The following GATAD2B variants were observed in gnomAD, a reference collection of about 807,000 sequenced individuals.
GATAD2B encodes GATA zinc finger domain containing 2B, also known as transcriptional repressor p66-beta.
GATAD2B carries 8 observed loss-of-function variants against 64.3 expected under a neutral mutation model. That is an observed-to-expected ratio of 0.12 (90% CI 0.07 to 0.22). The LOEUF (loss-of-function observed/expected upper bound fraction) is 0.22, where lower values mean the gene tolerates loss of function less well. Ranked by LOEUF, GATAD2B falls within the 10% of genes least tolerant of loss-of-function variation. The pLI is 1.00. For missense variants in GATAD2B, 453 were observed against 752.0 expected (o/e 0.60, Z 4.65); for synonymous variants, 281 against 271.3 (o/e 1.04, Z -0.35).
At chr1:153,910,465 C>T (rs542593860) in intron 1 of GATAD2B, among the ~76,000 whole-genome samples, 97 of 152,224 alleles carry the variant, frequency 6.4e-4, no homozygotes, top group African/African-American at 2.2e-3. Flanking sequence ...TTGGGCTGGG[C>T]GCAGTGGCTC....
intron 1 of GATAD2B, among the ~76,000 whole-genome samples, chr1:153,915,377 T>A (rs1163491008): frequency 6.6e-6 from 1 of 151,780 alleles, no homozygotes; most frequent in African/African-American, 2.4e-5. Flanking sequence ...GAGCCAAGAC[T>A]GCACCATTGC....
At chr1:153,857,026 T>G (rs991847255) in intron 1 of GATAD2B, among the ~76,000 whole-genome samples, 3 of 152,022 alleles carry the variant, frequency 2.0e-5, no homozygotes, top group Non-Finnish European at 2.9e-5. Context: ...GGAAAAAACA[T>G]ATCAGATAAG....
In GATAD2B at chr1:153,819,741, C is replaced by T; in HGVS notation, c.336-6G>A. On this transcript the variant is annotated splice_polypyrimidine_tract_variant and splice_region_variant and intron_variant, in intron 2 of 10. Transcript: ENST00000368655. Reference sequence around the variant, plus strand: ...GCCTTCCTCGCTCTGGCTCACTAGACAAGAAAGGGAAAAAATAAGCTATTT... The same window carrying T: ...GCCTTCCTCGCTCTGGCTCACTAGATAAGAAAGGGAAAAAATAAGCTATTT... The T allele has an allele frequency of 6.3e-7, 1 of 1,575,334 alleles. No individual in the cohort carries two copies. The highest frequency in any genetic ancestry group is 8.6e-7 in the Non-Finnish European group (1 of 1,166,582).
At position 153,922,928 on chromosome 1, in the gene GATAD2B, C is replaced by T. The variant is rs1678511178; in HGVS notation, c.-197G>A. On this transcript the variant is annotated 5_prime_UTR_variant, in exon 1 of 11. Transcript: ENST00000368655. ...GCGGTACAGACGGGGGCAGCGGCGG[C>T]GGCGACGGCTGCACCGGCGGCGGCG... 1.9e-5 allele frequency: 3 copies of T among 156,232 alleles called. No individual in the cohort carries two copies. The highest frequency in any genetic ancestry group is 1.7e-4 in the South Asian group (1 of 5,882). 9.7% of individuals were successfully genotyped at this position (156,232 alleles called of 1,614,324 possible).
chr1:153,896,906 A>C (rs2101955842), intron 1 of GATAD2B, among the ~76,000 whole-genome samples: 1 of 152,340 alleles, frequency 6.6e-6, no homozygotes, highest in South Asian at 2.1e-4. Context: ...TTTATATCCA[A>C]GGCAACATTA....
chr1:153,819,507 C>T, intron 3 of GATAD2B, 99 bp downstream of exon 3: 9 of 869,448 alleles, frequency 1.0e-5, no homozygotes, highest in Admixed American at 2.7e-5. Flanking sequence ...TATTTATATC[C>T]AAAGAGTAAA....
In GATAD2B at chr1:153,857,154, ATAT is replaced by A. The variant is rs745677936; in HGVS notation, c.-1-28809_-1-28807del. On this transcript the variant is annotated intron_variant, in intron 1 of 10. Transcript: ENST00000368655. ...TGCATATGCATATATATATATATAT[ATAT>A]AAATTGGCCGGGCGCAGTGGCTCAC... Among the ~76,000 whole-genome samples the A allele has an allele frequency of 9.4e-5, 14 of 149,174 alleles. No individual in the cohort carries two copies. The South Asian group carries it at 1.0e-3, about 11-fold the overall frequency.
chr1:153,846,890 C>A (rs1324322079), intron 1 of GATAD2B, among the ~76,000 whole-genome samples: 2 of 151,806 alleles, frequency 1.3e-5, no homozygotes, highest in East Asian at 3.9e-4. Flanking sequence ...CTATTAAATT[C>A]TTATTTTTTA....
intron 1 of GATAD2B, chr1:153,852,230 T>C: frequency 8.4e-7 from 1 of 1,191,022 alleles, no homozygotes; most frequent in Non-Finnish European, 1.2e-6. Flanking sequence ...AGGGGCATGT[T>C]GTTAACAAGA....
chr1:153,821,583 T>G (rs1674685301), intron 2 of GATAD2B, among the ~76,000 whole-genome samples: 1 of 151,966 alleles, frequency 6.6e-6, no homozygotes, highest in South Asian at 2.1e-4. Context: ...ATTCTTTTTT[T>G]TGAGATGGAT....
intron 2 of GATAD2B, among the ~76,000 whole-genome samples, chr1:153,824,708 C>G (rs1674808863): frequency 6.7e-6 from 1 of 149,384 alleles, no homozygotes; most frequent in Non-Finnish European, 1.5e-5. Context: ...AATTCCAATA[C>G]CATTAATAAG....
rs374556609 is a variant in GATAD2B at position 153,913,619 on chromosome 1, TA to T, written c.-2+9113del. 8.2e-4 allele frequency among the ~76,000 whole-genome samples: 125 copies of T among 152,254 alleles called. 3 individuals carry two copies. In the East Asian group the frequency reaches 0.023, roughly 28 times the overall value. ...GCAGCCCTCATACCACTGATGTTTC[TA>T]AAAAATATCTGGCCTAAGCTGGGTG... On this transcript the variant is annotated intron_variant, in intron 1 of 10. Transcript: ENST00000368655.
intron 1 of GATAD2B, among the ~76,000 whole-genome samples, chr1:153,861,809 T>TATATATATATATATATATACACAC (rs1294838675): frequency 7.4e-5 from 9 of 122,134 alleles, no homozygotes; most frequent in African/African-American, 2.7e-4. Context: ...TATATATATA[T>TATATATATATATATATATACACAC]ACACATATGT....
chr1:153,882,276 G>A (rs1160317153), intron 1 of GATAD2B, among the ~76,000 whole-genome samples: 1 of 151,940 alleles, frequency 6.6e-6, no homozygotes, highest in East Asian at 1.9e-4. Flanking sequence ...TCCAAGATAG[G>A]AAATCACAGC....
rs1310850430 is a variant in GATAD2B, at chr1:153,813,518, T to C, written c.1217-66A>G. On this transcript the variant is annotated intron_variant, in intron 7 of 10. Transcript: ENST00000368655. The stretch of plus-strand genomic sequence containing the variant: ...ATCTCCTCTGTTTCTCTTAATCAAA[T>C]AGATCTTTTCCAGGAGTTTATTCTG... 1.1e-4 allele frequency: 118 copies of C among 1,082,730 alleles called. No homozygotes were observed. In the East Asian group the frequency reaches 2.7e-3, roughly 25 times the overall value. The allele number at this position is 1,082,730 out of a possible 1,614,324, so 67.1% of individuals were successfully genotyped here.
At position 153,805,946 on chromosome 1, in the gene GATAD2B, G is replaced by A. The variant is rs1476514005; in HGVS notation, c.*4231C>T. ...GCCTAAGGCTGTGCAGATGGATGTG[G>A]CTCTCACTAGGTGAAATTTCCTCAG... On this transcript the variant is annotated 3_prime_UTR_variant, in exon 11 of 11. Transcript: ENST00000368655. 2 of 152,240 alleles carry A rather than the reference G, an allele frequency of 1.3e-5. No individual in the cohort carries two copies. The highest frequency in any genetic ancestry group is 3.9e-4 in the East Asian group (2 of 5,188). 9.4% of individuals were successfully genotyped at this position (152,240 alleles called of 1,614,324 possible).
Position 153,818,867 on chromosome 1 carries a change from C to T in GATAD2B, c.521G>A (p.Arg174Gln), listed in dbSNP as rs1054223377. The T allele has an allele frequency of 3.1e-6, 5 of 1,613,194 alleles. No homozygotes were observed. Among genetic ancestry groups the T allele is most frequent in the African/African-American group, 1.3e-5 (1 of 74,910 alleles). The change falls in exon 4 of 11, where the codon CGA becomes CAA. Residue 174 changes from arginine (R) to glutamine (Q), a missense_variant. By Grantham distance (43) the Arg-to-Gln change is conservative. Coordinates refer to ENST00000368655, the MANE Select transcript of GATAD2B (RefSeq NM_020699.4). ...CAGGACCAGTCGGGCTTCTTCCAAT[C>T]GTAGCTCATCCCTCAGCTGCTTGAT... ...QLIKQLRDELRLEEARLVLLK... is the reference protein window; with the variant it reads ...QLIKQLRDELQLEEARLVLLK...
At chr1:153,812,300 G>A in intron 8 of GATAD2B, 168 bp from the exon 9 acceptor site, 1 of 569,162 alleles carries the variant, frequency 1.8e-6, no homozygotes, top group Non-Finnish European at 3.1e-6. Flanking sequence ...CAAAGTGCTG[G>A]GATTACAGGC....
intron 1 of GATAD2B, among the ~76,000 whole-genome samples, chr1:153,866,202 C>CAAA (rs68135109): frequency 2.0e-5 from 2 of 99,730 alleles, no homozygotes; most frequent in African/African-American, 3.9e-5. Flanking sequence ...CACTAGGTCT[C>CAAA]AAAAAAAAAA....
Sources: gnomAD v4.1 joint callset for allele counts (sites outside exome capture counted in the v4.1 genomes callset) on GRCh38, gnomAD v4.1.1 for gene constraint, MANE v1.5 for transcripts, NCBI Gene and HGNC (gene_info 2026-07-23, HGNC 2026-07-21) for gene names.